Variants in PLEKHD1 observed in about 807,000 individuals in gnomAD.
The protein encoded by PLEKHD1 is pleckstrin homology and coiled-coil domain containing D1, also known as pleckstrin homology domain-containing family D member 1.
In PLEKHD1, 51 loss-of-function variants were observed where a neutral mutation model predicts 69.2. That is an observed-to-expected ratio of 0.74 (90% CI 0.59 to 0.93). PLEKHD1 has a LOEUF of 0.93. Ranked by LOEUF, PLEKHD1 falls within the 40% of genes least tolerant of loss-of-function variation. PLEKHD1 has a pLI of 0.00. For missense variants in PLEKHD1, 584 were observed against 641.0 expected, an observed-to-expected ratio of 0.91 and a Z score of 0.96; for synonymous variants, 236 against 244.7, an observed-to-expected ratio of 0.96 and a Z score of 0.33.
At chr14:69,484,313 G>A (rs1882602945), upstream of PLEKHD1, among the ~76,000 whole-genome samples, 1 of 152,258 alleles carries the variant, frequency 6.6e-6, no homozygotes, top group Non-Finnish European at 1.5e-5. Flanking sequence ...GGAATTCCAG[G>A]CCGGAGTGTG....
chr14:69,486,464 G>A (rs906315820), intron 1 of PLEKHD1, among the ~76,000 whole-genome samples: 3 of 152,122 alleles, frequency 2.0e-5, no homozygotes, highest in African/African-American at 4.8e-5. Context: ...GAGCAACATG[G>A]AGTGTATTTG....
upstream of PLEKHD1, among the ~76,000 whole-genome samples, chr14:69,484,160 A>T (rs565777896): frequency 6.6e-5 from 10 of 152,318 alleles, no homozygotes; most frequent in African/African-American, 2.4e-4. Flanking sequence ...CCCAATCTTG[A>T]TGGAGCCCCT....
At position 69,528,520 on chromosome 14, in the gene PLEKHD1, G is replaced by T. The variant is rs1883717224; in HGVS notation, c.*101G>T. ...ACTCTACCAGCTCCTGGCCTCTCTG[G>T]TCTGGAGCCTATGTCTCCTCTGGGC... On this transcript the variant is annotated 3_prime_UTR_variant, in exon 13 of 13. Transcript: ENST00000322564. 7.1e-7 allele frequency: 1 copy of T among 1,407,406 alleles called. No individual in the cohort carries two copies. The highest frequency in any genetic ancestry group is 9.4e-7 in the Non-Finnish European group (1 of 1,060,066). The allele number at this position is 1,407,406 out of a possible 1,614,324, so 87.2% of individuals were successfully genotyped here.
intron 6 of PLEKHD1, among the ~76,000 whole-genome samples, chr14:69,504,111 T>C (rs934118253): frequency 6.6e-6 from 1 of 152,194 alleles, no homozygotes; most frequent in African/African-American, 2.4e-5. Context: ...CTTAGGGATG[T>C]TGTGATGATT....
Position 69,528,411 on chromosome 14 carries a change from G to A in PLEKHD1, c.1513G>A (p.Gly505Arg). 2 of 1,550,544 alleles carry A rather than the reference G, an allele frequency of 1.3e-6. No homozygotes were observed. Among genetic ancestry groups the A allele is most frequent in the South Asian group, 1.2e-5 (1 of 84,004 alleles). Residue 505 changes from glycine to arginine, a missense_variant, in exon 13 of 13, where the codon GGA (glycine) becomes AGA (arginine). Physicochemically the swap from Gly to Arg is moderately radical, Grantham distance 125. Coordinates refer to ENST00000322564, the MANE Select transcript of PLEKHD1 (RefSeq NM_001161498.2). ...AGCCCCCTCGGCACTCTCCCGGGGT[G>A]GAAAGTGATGGGCGCTCCTCCCCTG... ...PGAPSALSRGGK is the reference protein window; with the variant it reads ...PGAPSALSRGRK
intron 6 of PLEKHD1, among the ~76,000 whole-genome samples, chr14:69,512,290 T>G (rs1237479009): frequency 6.6e-6 from 1 of 152,160 alleles, no homozygotes; most frequent in Non-Finnish European, 1.5e-5. Flanking sequence ...TTCTTTTTAT[T>G]TAGCCTAGTT....
chr14:69,480,554 C>T (rs966395580), upstream of PLEKHD1, among the ~76,000 whole-genome samples: 10 of 152,190 alleles, frequency 6.6e-5, no homozygotes, highest in Non-Finnish European at 7.3e-5. Flanking sequence ...AGTCCAATAA[C>T]GATGACTCCA....
At chr14:69,469,048 T>C in the PLEKHD1 span, among the ~76,000 whole-genome samples, 1 of 152,226 alleles carries the variant, frequency 6.6e-6, no homozygotes, top group Non-Finnish European at 1.5e-5. Flanking sequence ...TCCGGATTTC[T>C]CTTTGGCAGA....
At chr14:69,513,326 A>G (rs1883313425) in intron 6 of PLEKHD1, among the ~76,000 whole-genome samples, 1 of 152,212 alleles carries the variant, frequency 6.6e-6, no homozygotes, top group African/African-American at 2.4e-5. Flanking sequence ...CAGCCCTCAG[A>G]ATCACAGCAG....
At chr14:69,489,384 C>A (rs1882722960) in intron 1 of PLEKHD1, among the ~76,000 whole-genome samples, 1 of 151,858 alleles carries the variant, frequency 6.6e-6, no homozygotes, top group Non-Finnish European at 1.5e-5. Context: ...CATGGCAAAA[C>A]CCTGTCTCTA....
intron 6 of PLEKHD1, among the ~76,000 whole-genome samples, chr14:69,508,418 C>A (rs919871943): frequency 1.0e-4 from 15 of 150,352 alleles, no homozygotes; most frequent in Admixed American, 2.0e-4. Flanking sequence ...AAAAAAAAAA[C>A]AAAAACAAAA....
chr14:69,494,695 C>T (rs138853575), intron 1 of PLEKHD1, among the ~76,000 whole-genome samples: 180 of 152,320 alleles, frequency 1.2e-3, no homozygotes, highest in Middle Eastern at 3.4e-3. Context: ...CCTGGGAAGA[C>T]GTGGCCCCTG....
intron 6 of PLEKHD1, among the ~76,000 whole-genome samples, chr14:69,514,184 T>A (rs1049321504): frequency 6.6e-6 from 1 of 152,158 alleles, no homozygotes; most frequent in African/African-American, 2.4e-5. Context: ...CTAGTCCTTC[T>A]GATTATTCTC....
intron 1 of PLEKHD1, among the ~76,000 whole-genome samples, chr14:69,496,608 A>G (rs113386000): frequency 0.024 from 3,719 of 152,030 alleles, 71 homozygotes; most frequent in Middle Eastern, 0.061. Context: ...TGGTGTGATC[A>G]CGGCTCACTG....
intron 1 of PLEKHD1, among the ~76,000 whole-genome samples, chr14:69,495,358 T>C (rs1415968136): frequency 6.6e-6 from 1 of 152,178 alleles, no homozygotes; most frequent in African/African-American, 2.4e-5. Flanking sequence ...TCGAGACTTT[T>C]GCAATGTAAG....
intron 10 of PLEKHD1, among the ~76,000 whole-genome samples, 179 bp downstream of exon 10, chr14:69,527,008 C>T (rs890096777): frequency 6.6e-6 from 1 of 152,236 alleles, no homozygotes; most frequent in Admixed American, 6.5e-5. Flanking sequence ...TTGACAGACA[C>T]CTGCTGGGTG....
intron 6 of PLEKHD1, among the ~76,000 whole-genome samples, chr14:69,504,391 G>GA (rs1883105878): frequency 1.3e-5 from 2 of 152,132 alleles, no homozygotes; most frequent in African/African-American, 4.8e-5. Context: ...CCTCTAACTT[G>GA]ACTCTTAGGA....
In PLEKHD1 at chr14:69,514,920, A is replaced by G. The variant is rs370179588; in HGVS notation, c.556-7363A>G. Among the ~76,000 whole-genome samples the G allele has an allele frequency of 4.3e-4, 66 of 152,310 alleles. 1 individual carries two copies. The South Asian group carries it at 7.2e-3, about 17-fold the overall frequency. ...TATGGCAGGCTTTGTAAAGAAGAAC[A>G]GAATGGCCTCAGGCACAGTGTAATC... is the stretch of plus-strand genomic sequence containing the variant. On this transcript the variant is annotated intron_variant, in intron 6 of 12. Transcript: ENST00000322564.
At chr14:69,500,300 C>A in intron 2 of PLEKHD1, 92 bp downstream of exon 2, 3 of 1,103,126 alleles carry the variant, frequency 2.7e-6, no homozygotes, top group Non-Finnish European at 3.9e-6. Context: ...TGCGCTCTTG[C>A]TCTGGCCTAG....
Sources: gnomAD v4.1 joint callset for allele counts (sites outside exome capture counted in the v4.1 genomes callset) on GRCh38, gnomAD v4.1.1 for gene constraint, MANE v1.5 for transcripts, NCBI Gene and HGNC (gene_info 2026-07-23, HGNC 2026-07-21) for gene names.